OR9Q1: variants seen among roughly 807,000 people sequenced by gnomAD.
OR9Q1 encodes the protein olfactory receptor 9Q1.
For synonymous variants in OR9Q1, 153 were observed against 148.6 expected, an observed-to-expected ratio of 1.03 and a Z score of -0.22; for missense variants, 374 against 378.8, an observed-to-expected ratio of 0.99 and a Z score of 0.11.
intron 2 of OR9Q1, among the ~76,000 whole-genome samples, chr11:58,174,981 C>T (rs1256888646): frequency 2.6e-5 from 4 of 151,358 alleles, no homozygotes; most frequent in Non-Finnish European, 5.9e-5. Flanking sequence ...TGGTGCACCC[C>T]TGTAATCCCA....
chr11:58,103,917 G>A (rs956278763), intron 2 of OR9Q1, among the ~76,000 whole-genome samples: 2 of 152,164 alleles, frequency 1.3e-5, no homozygotes, highest in African/African-American at 2.4e-5. Context: ...ATTTGTAGTA[G>A]CAGAGGTGTG....
chr11:58,083,391 G>A (rs565794182), intron 2 of OR9Q1, among the ~76,000 whole-genome samples: 119 of 151,726 alleles, frequency 7.8e-4, no homozygotes, highest in African/African-American at 2.8e-3. Flanking sequence ...ATATTTGTGA[G>A]TATTTCTCCC....
chr11:58,048,205 T>C (rs1321669246), intron 1 of OR9Q1, among the ~76,000 whole-genome samples: 2 of 152,124 alleles, frequency 1.3e-5, no homozygotes, highest in Non-Finnish European at 2.9e-5. Flanking sequence ...GTACCTAGGA[T>C]AGAAAAACTC....
chr11:58,119,786 C>T (rs1312084744), intron 2 of OR9Q1, among the ~76,000 whole-genome samples: 1 of 151,856 alleles, frequency 6.6e-6, no homozygotes, highest in Non-Finnish European at 1.5e-5. Flanking sequence ...TTACCATATA[C>T]CCACCACACG....
At chr11:58,092,476 T>C (rs1303979979) in intron 2 of OR9Q1, among the ~76,000 whole-genome samples, 1 of 152,042 alleles carries the variant, frequency 6.6e-6, no homozygotes, top group Admixed American at 6.6e-5. Flanking sequence ...AATTTAGATA[T>C]GAAAAAATGA....
In OR9Q1 at chr11:58,180,651, T is replaced by C. The variant is rs548167836; in HGVS notation, c.*274T>C. On this transcript the variant is annotated 3_prime_UTR_variant, in exon 3 of 3. Transcript: ENST00000335397. ...ATCCAAATATGGCACACTTCACCTG[T>C]CTGTGATTATAAGAGTAATTTTTTT... The C allele has an allele frequency of 6.9e-5, 21 of 302,668 alleles. No individual in the cohort carries two copies. Among genetic ancestry groups the C allele is most frequent in the East Asian group, 1.8e-4 (3 of 16,578 alleles). 18.7% of individuals were successfully genotyped at this position (302,668 alleles called of 1,614,324 possible). A position where few individuals can be genotyped will look rare whatever the true frequency, so the allele number is the denominator to read the frequency against.
chr11:58,135,651 G>A (rs1854182739), intron 2 of OR9Q1, among the ~76,000 whole-genome samples: 1 of 152,204 alleles, frequency 6.6e-6, no homozygotes, highest in Admixed American at 6.5e-5. Flanking sequence ...AATAGGCAAA[G>A]ACTTTATACA....
At chr11:58,055,216 T>C (rs1853315732) in intron 1 of OR9Q1, among the ~76,000 whole-genome samples, 1 of 152,076 alleles carries the variant, frequency 6.6e-6, no homozygotes, top group African/African-American at 2.4e-5. Flanking sequence ...AATGCATTAA[T>C]ACATAAAAGT....
At chr11:58,145,744 G>C (rs531115197) in intron 2 of OR9Q1, among the ~76,000 whole-genome samples, 1 of 152,204 alleles carries the variant, frequency 6.6e-6, no homozygotes, top group Admixed American at 6.5e-5. Flanking sequence ...TTTCTTATCT[G>C]TCCTGCGTAT....
intron 1 of OR9Q1, among the ~76,000 whole-genome samples, chr11:58,040,149 T>G (rs1252096886): frequency 3.3e-5 from 5 of 152,214 alleles, no homozygotes; most frequent in African/African-American, 1.2e-4. Flanking sequence ...TTAACCTCTG[T>G]ACAGTGATAC....
chr11:58,167,769 T>C (rs966528783), intron 2 of OR9Q1, among the ~76,000 whole-genome samples: 4 of 152,192 alleles, frequency 2.6e-5, no homozygotes, highest in African/African-American at 9.7e-5. Context: ...TCCAACGGGC[T>C]AGCCCAAGCT....
At chr11:58,107,547 T>A (rs1175937246) in intron 2 of OR9Q1, among the ~76,000 whole-genome samples, 2 of 152,194 alleles carry the variant, frequency 1.3e-5, no homozygotes, top group African/African-American at 4.8e-5. Context: ...GTCTTTGCTA[T>A]TGTGAATAGT....
At chr11:58,099,692 T>A (rs1853765673) in intron 2 of OR9Q1, among the ~76,000 whole-genome samples, 1 of 152,180 alleles carries the variant, frequency 6.6e-6, no homozygotes, top group Non-Finnish European at 1.5e-5. Flanking sequence ...ATCGGCTTCA[T>A]CCATTTACAT....
chr11:58,099,883 A>G (rs570538816), intron 2 of OR9Q1, among the ~76,000 whole-genome samples: 3 of 152,028 alleles, frequency 2.0e-5, no homozygotes, highest in African/African-American at 7.2e-5. Flanking sequence ...TGTTTGAATC[A>G]TTTTTTAAAA....
intron 2 of OR9Q1, among the ~76,000 whole-genome samples, chr11:58,178,895 TTATATATTA>T (rs972451251): frequency 3.7e-5 from 4 of 108,444 alleles, no homozygotes; most frequent in Non-Finnish European, 8.5e-5. Context: ...ATATATATAT[TTATATATTA>T]TATATATTAT....
intron 2 of OR9Q1, among the ~76,000 whole-genome samples, chr11:58,102,426 C>T (rs1014342405): frequency 6.6e-6 from 1 of 152,086 alleles, no homozygotes; most frequent in Non-Finnish European, 1.5e-5. Flanking sequence ...AGATGTAGGA[C>T]TCCTTAAGTA....
chr11:58,138,534 C>G (rs1854210629), intron 2 of OR9Q1, among the ~76,000 whole-genome samples: 1 of 152,178 alleles, frequency 6.6e-6, no homozygotes, highest in Non-Finnish European at 1.5e-5. Flanking sequence ...AAAGTAACAT[C>G]TGAATGTTAC....
intron 2 of OR9Q1, among the ~76,000 whole-genome samples, chr11:58,058,761 G>C (rs1207531857): frequency 2.0e-5 from 3 of 152,166 alleles, no homozygotes; most frequent in Non-Finnish European, 4.4e-5. Context: ...CCCCCGATCT[G>C]CTTCTGCAGC....
Position 58,096,536 on chromosome 11 carries a change from A to T in OR9Q1, c.-15+40589A>T, listed in dbSNP as rs893299660. 2.0e-5 allele frequency among the ~76,000 whole-genome samples: 3 copies of T among 152,070 alleles called. No homozygotes were observed. In the East Asian group the frequency reaches 5.8e-4, roughly 29 times the overall value. ...ATATATAATGTTTTAATTTTTAGAG[A>T]TGGAGTCTTGCTGTGTCACCCAGGC... On this transcript the variant is annotated intron_variant, in intron 2 of 2. Transcript: ENST00000335397.
Sources: gnomAD v4.1 joint callset for allele counts (sites outside exome capture counted in the v4.1 genomes callset) on GRCh38, gnomAD v4.1.1 for gene constraint, MANE v1.5 for transcripts, NCBI Gene and HGNC (gene_info 2026-07-23, HGNC 2026-07-21) for gene names.